Variants in AMOTL1 observed in about 807,000 individuals in gnomAD.
AMOTL1 encodes angiomotin-like protein 1.
In AMOTL1, 45 loss-of-function variants were observed where a neutral mutation model predicts 102.9. That is an observed-to-expected ratio of 0.44 (90% CI 0.34 to 0.56). The LOEUF (loss-of-function observed/expected upper bound fraction) is 0.56, where lower values mean the gene tolerates loss of function less well. Among genes scored for constraint, AMOTL1 ranks in the 20% least tolerant of loss-of-function variants. The probability of loss-of-function intolerance (pLI) is 0.01; values close to 1 mark genes in which losing one functional copy is unlikely to be tolerated. For missense variants in AMOTL1, 1,114 were observed against 1,225.6 expected, an observed-to-expected ratio of 0.91 and a Z score of 1.36; for synonymous variants, 481 against 484.7, an observed-to-expected ratio of 0.99 and a Z score of 0.10.
intron 1 of AMOTL1, among the ~76,000 whole-genome samples, chr11:94,711,715 T>C (rs1950024268): frequency 6.6e-6 from 1 of 152,160 alleles, no homozygotes; most frequent in African/African-American, 2.4e-5. Flanking sequence ...GCCTCTTCCA[T>C]TCAGCATAAT....
chr11:94,805,351 A>G (rs1489598715), intron 3 of AMOTL1, among the ~76,000 whole-genome samples: 1 of 152,162 alleles, frequency 6.6e-6, no homozygotes, highest in East Asian at 1.9e-4. Context: ...GACCAGACTT[A>G]ATGGGGCTGA....
chr11:94,846,961 T>C (rs1379441249), intron 6 of AMOTL1, among the ~76,000 whole-genome samples: 1 of 152,226 alleles, frequency 6.6e-6, no homozygotes, highest in Non-Finnish European at 1.5e-5. Context: ...ACTACTATTA[T>C]CATGAGCATT....
At chr11:94,831,015 A>C (rs1326389225) in intron 5 of AMOTL1, among the ~76,000 whole-genome samples, 1 of 152,128 alleles carries the variant, frequency 6.6e-6, no homozygotes, top group Non-Finnish European at 1.5e-5. Context: ...GGTCATTTTG[A>C]CTTTTTTTGG....
At chr11:94,788,260 A>G (rs1477615424) in intron 1 of AMOTL1, among the ~76,000 whole-genome samples, 1 of 152,204 alleles carries the variant, frequency 6.6e-6, no homozygotes, top group Non-Finnish European at 1.5e-5. Flanking sequence ...TTGGAAGTTG[A>G]ACTACCTAAT....
At chr11:94,738,521 G>C (rs1170617252) in intron 2 of AMOTL1, among the ~76,000 whole-genome samples, 1 of 152,132 alleles carries the variant, frequency 6.6e-6, no homozygotes, top group East Asian at 1.9e-4. Flanking sequence ...GCCTCCCAGA[G>C]TGCTGGAAAT....
intron 3 of AMOTL1, among the ~76,000 whole-genome samples, chr11:94,809,199 G>C (rs894286743): frequency 6.6e-6 from 1 of 152,026 alleles, no homozygotes; most frequent in Non-Finnish European, 1.5e-5. Context: ...TCGAACTCCT[G>C]ACCTCAAGTG....
chr11:94,866,340 TG>T, intron 11 of AMOTL1, 172 bp downstream of exon 11: 1 of 665,846 alleles, frequency 1.5e-6, no homozygotes, highest in Non-Finnish European at 2.5e-6. Context: ...GGAAGCATTG[TG>T]TAAATTCTAA....
At position 94,802,453 on chromosome 11, in the gene AMOTL1, T is replaced by C. The variant is rs1017819368; in HGVS notation, c.1121+2142T>C. 9.8e-5 allele frequency among the ~76,000 whole-genome samples: 15 copies of C among 152,324 alleles called. 1 individual carries two copies. In the South Asian group the frequency reaches 3.1e-3, roughly 32 times the overall value. The stretch of plus-strand genomic sequence containing the variant: ...TTTGTAAAGTAATATGTACATACCG[T>C]GCAATGCATACAGTGGATCACTTTG... On this transcript the variant is annotated intron_variant, in intron 3 of 12. Transcript: ENST00000433060.
At chr11:94,761,039 G>A (rs1466987739) in intron 3 of AMOTL1, among the ~76,000 whole-genome samples, 1 of 152,134 alleles carries the variant, frequency 6.6e-6, no homozygotes, top group Non-Finnish European at 1.5e-5. Context: ...CTCCCAAAGT[G>A]CTGGGATTAC....
At chr11:94,778,286 A>C (rs985814) in intron 1 of AMOTL1, among the ~76,000 whole-genome samples, 7,684 of 152,180 alleles carry the variant, frequency 0.05, 477 homozygotes, top group East Asian at 0.28. Flanking sequence ...AATCTGCTTA[A>C]ATTGAGAAAA....
At chr11:94,744,408 C>T (rs1950565343) in intron 3 of AMOTL1, among the ~76,000 whole-genome samples, 2 of 152,176 alleles carry the variant, frequency 1.3e-5, no homozygotes, top group Non-Finnish European at 2.9e-5. Flanking sequence ...ACCCTCCTGG[C>T]ACATGGATAG....
chr11:94,781,833 C>T (rs1419672735), intron 1 of AMOTL1, among the ~76,000 whole-genome samples: 1 of 142,938 alleles, frequency 7.0e-6, no homozygotes, highest in African/African-American at 2.6e-5. Context: ...GACTCCGTCT[C>T]AAAAAGAAGA....
At chr11:94,741,863 A>T (rs1950532294) in intron 3 of AMOTL1, among the ~76,000 whole-genome samples, 1 of 152,062 alleles carries the variant, frequency 6.6e-6, no homozygotes, top group African/African-American at 2.4e-5. Context: ...ATATATGTTG[A>T]CAGTAAAGGA....
At chr11:94,727,690 A>G (rs1950283477) in intron 1 of AMOTL1, among the ~76,000 whole-genome samples, 1 of 152,198 alleles carries the variant, frequency 6.6e-6, no homozygotes, top group African/African-American at 2.4e-5. Context: ...ATCTGGATTT[A>G]TTGATAAGTC....
upstream of AMOTL1, among the ~76,000 whole-genome samples, chr11:94,766,289 TAC>T (rs1950854041): frequency 6.6e-6 from 1 of 152,254 alleles, no homozygotes; most frequent in South Asian, 2.1e-4. Context: ...TATTGAATAC[TAC>T]ATGCATTGTG....
chr11:94,835,725 A>G (rs1474401881), intron 6 of AMOTL1, among the ~76,000 whole-genome samples: 1 of 152,210 alleles, frequency 6.6e-6, no homozygotes, highest in Non-Finnish European at 1.5e-5. Context: ...TTTGCTAGGC[A>G]CTGCAGGTTC....
At chr11:94,793,862 A>G (rs1591971491) in intron 1 of AMOTL1, among the ~76,000 whole-genome samples, 1 of 152,246 alleles carries the variant, frequency 6.6e-6, no homozygotes, top group East Asian at 1.9e-4. Context: ...TATAAGAAAA[A>G]AATTCTTGTC....
At chr11:94,812,860 C>T (rs1951705946) in intron 3 of AMOTL1, among the ~76,000 whole-genome samples, 1 of 151,996 alleles carries the variant, frequency 6.6e-6, no homozygotes, top group African/African-American at 2.4e-5. Flanking sequence ...ACCACTGGGT[C>T]GCAATCTGGG....
chr11:94,859,781 G>A, intron 9 of AMOTL1, 66 bp downstream of exon 9: 2 of 1,489,368 alleles, frequency 1.3e-6, no homozygotes, highest in East Asian at 2.5e-5. Flanking sequence ...AAACAAACAG[G>A]CTATCCAGAG....
Sources: gnomAD v4.1 joint callset for allele counts (sites outside exome capture counted in the v4.1 genomes callset) on GRCh38, gnomAD v4.1.1 for gene constraint, MANE v1.5 for transcripts, NCBI Gene and HGNC (gene_info 2026-07-23, HGNC 2026-07-21) for gene names.